The following EIF2S3B variants were observed in gnomAD, a reference collection of about 807,000 sequenced individuals.
EIF2S3B encodes eukaryotic translation initiation factor 2 subunit gamma B, also known as eukaryotic translation initiation factor 2 subunit 3B.
In EIF2S3B, 16 loss-of-function variants were observed where a neutral mutation model predicts 26.4. The observed-to-expected ratio is 0.61, with a 90% CI of 0.41 to 0.92. EIF2S3B has a LOEUF of 0.92. EIF2S3B is among the 40% of genes least tolerant of loss of function. The pLI is 0.00. For synonymous variants in EIF2S3B, 183 were observed against 204.4 expected (o/e 0.90, Z 0.89); for missense variants, 510 against 575.5 (o/e 0.89, Z 1.16).
At chr12:10,521,958 C>T (rs1353072679) in intron 1 of EIF2S3B, among the ~76,000 whole-genome samples, 1 of 152,186 alleles carries the variant, frequency 6.6e-6, no homozygotes, top group Non-Finnish European at 1.5e-5. Context: ...ATAACTTCTC[C>T]AGTTTCCTCA....
intron 1 of EIF2S3B, among the ~76,000 whole-genome samples, chr12:10,515,357 A>T (rs890924652): frequency 9.9e-5 from 15 of 151,656 alleles, no homozygotes; most frequent in African/African-American, 2.7e-4. Context: ...CTGATAATTT[A>T]AAAAAAAATT....
intron 1 of EIF2S3B, among the ~76,000 whole-genome samples, chr12:10,518,575 T>C (rs1864792607): frequency 6.6e-6 from 1 of 152,160 alleles, no homozygotes; most frequent in African/African-American, 2.4e-5. Flanking sequence ...CTGTGTCTTT[T>C]AATTGGAGCA....
At chr12:10,509,363 T>A (rs974768609), downstream of EIF2S3B, among the ~76,000 whole-genome samples, 1 of 152,056 alleles carries the variant, frequency 6.6e-6, no homozygotes, top group Non-Finnish European at 1.5e-5. Flanking sequence ...TTTCCAACAA[T>A]CTTACCTTTC....
At chr12:10,514,882 A>G (rs77030828) in intron 1 of EIF2S3B, among the ~76,000 whole-genome samples, 4,702 of 152,144 alleles carry the variant, frequency 0.031, 218 homozygotes, top group African/African-American at 0.1. Context: ...CCCACTTTCT[A>G]GGCTACTCAG....
chr12:10,518,248 T>C (rs1191144476), intron 1 of EIF2S3B, among the ~76,000 whole-genome samples: 3 of 152,168 alleles, frequency 2.0e-5, no homozygotes, highest in Non-Finnish European at 4.4e-5. Flanking sequence ...AGTCTAAGTC[T>C]CTTTGTAGGT....
chr12:10,510,347 C>T (rs78883876), downstream of EIF2S3B, among the ~76,000 whole-genome samples: 201 of 152,256 alleles, frequency 1.3e-3, 3 homozygotes, highest in East Asian at 0.026. Flanking sequence ...AGGACACACA[C>T]ATGTCTCATA....
chr12:10,510,181 A>AT (rs913281830), downstream of EIF2S3B, among the ~76,000 whole-genome samples: 190 of 152,290 alleles, frequency 1.2e-3, 1 homozygote, highest in Admixed American at 0.012. Flanking sequence ...CATCAGGGCT[A>AT]TTATTCTTGT....
chr12:10,516,283 T>C (rs1864757038), intron 1 of EIF2S3B, among the ~76,000 whole-genome samples: 2 of 152,044 alleles, frequency 1.3e-5, no homozygotes, highest in South Asian at 4.1e-4. Context: ...CTTATTGCTA[T>C]CATATGAAAT....
chr12:10,512,929 T>A (rs901539785), downstream of EIF2S3B, among the ~76,000 whole-genome samples: 3 of 152,218 alleles, frequency 2.0e-5, no homozygotes, highest in Admixed American at 2.0e-4. Context: ...TTCACAATAT[T>A]TCATTCATAA....
chr12:10,514,967 G>T (rs578083446), intron 1 of EIF2S3B, among the ~76,000 whole-genome samples: 4 of 151,820 alleles, frequency 2.6e-5, no homozygotes, highest in Non-Finnish European at 4.4e-5. Flanking sequence ...TCATCTAATC[G>T]TTTTCTTTGC....
At position 10,508,279 on chromosome 12, in the gene EIF2S3B, C is replaced by T. The variant is rs1044770557; in HGVS notation, c.*958C>T. Among the ~76,000 whole-genome samples, 2 of 152,060 alleles carry T rather than the reference C, an allele frequency of 1.3e-5. No homozygotes were observed. Among genetic ancestry groups the T allele is most frequent in the Non-Finnish European group, 2.9e-5 (2 of 68,008 alleles). ...GGCCTGAAATACGGGAAACTAGAGTCAGAAGTTATCTCCCTCTCCCTGTGA... is the reference window on the plus strand; with the variant it reads ...GGCCTGAAATACGGGAAACTAGAGTTAGAAGTTATCTCCCTCTCCCTGTGA... On this transcript the variant is annotated 3_prime_UTR_variant, in exon 1 of 1. Transcript: ENST00000538173.
rs2230569 is a variant in EIF2S3B, at chr12:10,506,001, C to T, written c.99C>T (p.His33=). 1.7e-5 allele frequency: 28 copies of T among 1,605,892 alleles called. No homozygotes were observed. Among genetic ancestry groups the T allele is most frequent in the East Asian group, 1.6e-4 (7 of 44,848 alleles). The part of the protein sequence containing the change: ...LDVTKLTPLS[H]EVISRQATIN... ...TTACCAAGTTGACGCCACTTTCACA[C>T]GAAGTTATCAGCAGACAAGCCACAA... is the stretch of plus-strand genomic sequence containing the variant. The change falls in exon 1 of 1, where the codon CAC becomes CAT. Residue 33 remains histidine, a synonymous_variant. Transcript: ENST00000538173.
rs1864635372 is a variant in EIF2S3B, at chr12:10,506,677, A to G, written c.775A>G (p.Ile259Val). The G allele has an allele frequency of 1.9e-6, 3 of 1,613,954 alleles. No homozygotes were observed. The highest frequency in any genetic ancestry group is 1.3e-5 in the African/African-American group (1 of 74,914). The change falls in exon 1 of 1, where the codon ATT becomes GTT. Residue 259 changes from isoleucine (I) to valine (V), a missense_variant. Ile to Val is a conservative substitution (Grantham distance 29, BLOSUM62 3). Coordinates refer to ENST00000538173, the MANE Select transcript of EIF2S3B (RefSeq NM_001357734.3). ...TACTTCAGAGCCCCGGCTTATTGTT[A>G]TTAGATCTTTTGATGTCAACAAACC... ...DFTSEPRLIV[I>V]RSFDVNKPGC... is the part of the protein sequence containing the mutation.
chr12:10,515,518 T>C (rs1363571288), intron 1 of EIF2S3B, among the ~76,000 whole-genome samples: 2 of 152,044 alleles, frequency 1.3e-5, no homozygotes, highest in Non-Finnish European at 2.9e-5. Flanking sequence ...ATGTGAAATA[T>C]ATCAAAACTG....
chr12:10,520,543 T>A (rs935517035), intron 1 of EIF2S3B, among the ~76,000 whole-genome samples: 1 of 152,044 alleles, frequency 6.6e-6, no homozygotes, highest in Non-Finnish European at 1.5e-5. Context: ...AAAGGAGATA[T>A]GCAATATCAA....
chr12:10,518,183 A>C (rs868429942), intron 1 of EIF2S3B, among the ~76,000 whole-genome samples: 2 of 152,106 alleles, frequency 1.3e-5, no homozygotes, highest in Non-Finnish European at 2.9e-5. Flanking sequence ...TTTCTGTCTC[A>C]TTGATCTGTC....
downstream of EIF2S3B, among the ~76,000 whole-genome samples, chr12:10,511,045 G>T (rs1219586614): frequency 6.6e-6 from 1 of 151,892 alleles, no homozygotes; most frequent in Non-Finnish European, 1.5e-5. Flanking sequence ...AAAATTAAAA[G>T]CCCTGCCAAA....
chr12:10,513,142 A>G (rs918841478), downstream of EIF2S3B, among the ~76,000 whole-genome samples: 2 of 152,196 alleles, frequency 1.3e-5, no homozygotes, highest in African/African-American at 4.8e-5. Flanking sequence ...TTTATTTTAT[A>G]CATACTTTAT....
At chr12:10,518,263 C>G (rs1389622609) in intron 1 of EIF2S3B, among the ~76,000 whole-genome samples, 3 of 152,062 alleles carry the variant, frequency 2.0e-5, no homozygotes, top group Non-Finnish European at 1.5e-5. Context: ...GTAGGTCACT[C>G]AGGACTTGCT....
Sources: gnomAD v4.1 joint callset for allele counts (sites outside exome capture counted in the v4.1 genomes callset) on GRCh38, gnomAD v4.1.1 for gene constraint, MANE v1.5 for transcripts, NCBI Gene and HGNC (gene_info 2026-07-23, HGNC 2026-07-21) for gene names.